Variants in RORA observed in about 807,000 individuals in gnomAD.
RORA encodes RAR related orphan receptor A.
In RORA, 7 loss-of-function variants were observed where a neutral mutation model predicts 69.5. The ratio of observed to expected loss-of-function variants is 0.10; its 90% CI spans 0.06 to 0.19. RORA has a LOEUF of 0.19. Ranked by LOEUF, RORA falls within the 10% of genes least tolerant of loss-of-function variation. The probability of loss-of-function intolerance (pLI) is 1.00; values close to 1 mark genes in which losing one functional copy is unlikely to be tolerated. For synonymous variants in RORA, 261 were observed against 240.8 expected (o/e 1.08, Z -0.78); for missense variants, 457 against 663.0 (o/e 0.69, Z 3.41).
intron 1 of RORA, among the ~76,000 whole-genome samples, chr15:61,186,794 T>C (rs2079747551): frequency 6.6e-6 from 1 of 151,900 alleles, no homozygotes; most frequent in African/African-American, 2.4e-5. Context: ...TGAAAACTAC[T>C]CCTTCCTACT....
intron 1 of RORA, among the ~76,000 whole-genome samples, chr15:61,161,382 G>A (rs2079494612): frequency 6.6e-6 from 1 of 152,152 alleles, no homozygotes; most frequent in Non-Finnish European, 1.5e-5. Flanking sequence ...GAGAGACCTG[G>A]GTTCAAATGC....
At chr15:60,497,702 C>T (rs2065204277) in intron 10 of RORA, 83 bp from the exon 11 acceptor site, 1 of 1,141,196 alleles carries the variant, frequency 8.8e-7, no homozygotes. Flanking sequence ...ATCTTTATGA[C>T]ATTGTTTATA....
At chr15:61,212,487 C>A (rs1204036792) in intron 1 of RORA, among the ~76,000 whole-genome samples, 1 of 152,208 alleles carries the variant, frequency 6.6e-6, no homozygotes, top group Non-Finnish European at 1.5e-5. Context: ...GCAACCTCTG[C>A]CTCCCAGGTT....
At chr15:61,009,538 G>C (rs1484811996) in intron 1 of RORA, among the ~76,000 whole-genome samples, 1 of 152,180 alleles carries the variant, frequency 6.6e-6, no homozygotes, top group Non-Finnish European at 1.5e-5. Context: ...ATACCTATAA[G>C]GTCAAGACTA....
chr15:61,100,398 G>A (rs1407412053), intron 1 of RORA, among the ~76,000 whole-genome samples: 1 of 152,196 alleles, frequency 6.6e-6, no homozygotes, highest in African/African-American at 2.4e-5. Flanking sequence ...AGGATTACAG[G>A]CATGACCAGC....
chr15:60,728,964 C>T (rs2071397061), intron 1 of RORA, among the ~76,000 whole-genome samples: 1 of 152,068 alleles, frequency 6.6e-6, no homozygotes, highest in African/African-American at 2.4e-5. Flanking sequence ...TGAGTTATCC[C>T]ATCTGAACAC....
At chr15:60,761,068 C>T (rs1473964575) in intron 1 of RORA, among the ~76,000 whole-genome samples, 1 of 152,106 alleles carries the variant, frequency 6.6e-6, no homozygotes, top group Non-Finnish European at 1.5e-5. Context: ...CACACGTGGG[C>T]TCCTACTAGC....
At chr15:60,591,290 A>AAGCGGGC (rs929152356) in intron 2 of RORA, among the ~76,000 whole-genome samples, 6 of 151,804 alleles carry the variant, frequency 4.0e-5, no homozygotes, top group African/African-American at 1.5e-4. Flanking sequence ...GCGGGCGCAC[A>AAGCGGGC]AGCGGGCGGC....
chr15:60,797,705 C>T (rs1367778249), intron 1 of RORA, among the ~76,000 whole-genome samples: 1 of 152,138 alleles, frequency 6.6e-6, no homozygotes, highest in Non-Finnish European at 1.5e-5. Context: ...GTAGTGAGCA[C>T]ACCCTGGTTC....
At chr15:60,802,421 A>G (rs889716503) in intron 1 of RORA, among the ~76,000 whole-genome samples, 1 of 152,156 alleles carries the variant, frequency 6.6e-6, no homozygotes, top group Non-Finnish European at 1.5e-5. Flanking sequence ...TCATTTGTTC[A>G]TTGTGACTCT....
intron 1 of RORA, among the ~76,000 whole-genome samples, chr15:60,822,040 A>G (rs1296093844): frequency 6.6e-6 from 1 of 152,190 alleles, no homozygotes; most frequent in East Asian, 1.9e-4. Flanking sequence ...AAAAAAATAT[A>G]TACACTGTGT....
chr15:60,719,447 A>G (rs966209936), intron 1 of RORA, among the ~76,000 whole-genome samples: 2 of 152,184 alleles, frequency 1.3e-5, no homozygotes, highest in African/African-American at 4.8e-5. Context: ...ACAATAAAAG[A>G]TTAAAAATCC....
At chr15:60,863,377 G>A (rs2073452902) in intron 1 of RORA, among the ~76,000 whole-genome samples, 1 of 152,186 alleles carries the variant, frequency 6.6e-6, no homozygotes, top group Admixed American at 6.5e-5. Context: ...CATAGTTTTT[G>A]TGGTCTTAAT....
intron 2 of RORA, among the ~76,000 whole-genome samples, chr15:60,552,472 T>A (rs1330532520): frequency 6.6e-6 from 1 of 152,162 alleles, no homozygotes; most frequent in Non-Finnish European, 1.5e-5. Context: ...AAGAATAAGA[T>A]GTATAGAGCA....
chr15:60,933,210 C>A (rs1207828167), intron 1 of RORA, among the ~76,000 whole-genome samples: 6 of 152,188 alleles, frequency 3.9e-5, no homozygotes, highest in Admixed American at 3.9e-4. Flanking sequence ...TCCACTGGCT[C>A]CCACTGCCTA....
chr15:60,964,220 C>T (rs921966898), intron 1 of RORA, among the ~76,000 whole-genome samples: 1 of 152,180 alleles, frequency 6.6e-6, no homozygotes, highest in African/African-American at 2.4e-5. Flanking sequence ...CATGTTGGGG[C>T]TCTATGGAAT....
chr15:60,684,127 C>T (rs1022008843), intron 1 of RORA, among the ~76,000 whole-genome samples: 9 of 150,496 alleles, frequency 6.0e-5, no homozygotes, highest in Non-Finnish European at 8.9e-5. Context: ...TGGCATTTTT[C>T]CTCTTCCCAA....
At chr15:60,845,422 C>T (rs2073252841) in intron 1 of RORA, among the ~76,000 whole-genome samples, 1 of 152,184 alleles carries the variant, frequency 6.6e-6, no homozygotes, top group Non-Finnish European at 1.5e-5. Context: ...TTTCCCCCAT[C>T]AGTTTTCAAC....
intron 1 of RORA, among the ~76,000 whole-genome samples, chr15:60,856,183 A>G (rs1224020352): frequency 1.3e-5 from 2 of 152,230 alleles, no homozygotes; most frequent in Non-Finnish European, 2.9e-5. Context: ...TGGAAAAGGA[A>G]AAGTTAAAAG....
Sources: allele counts gnomAD v4.1 joint callset (sites outside exome capture counted in the v4.1 genomes callset), GRCh38; gene constraint gnomAD v4.1.1; transcripts MANE v1.5; gene names NCBI Gene and HGNC (gene_info 2026-07-23, HGNC 2026-07-21).